The following KCNU1 variants were observed in gnomAD, a reference collection of about 807,000 sequenced individuals.
KCNU1 encodes the protein potassium calcium-activated channel subfamily U member 1.
KCNU1 carries 93 observed loss-of-function variants against 126.8 expected under a neutral mutation model. The ratio of observed to expected loss-of-function variants is 0.73; its 90% CI spans 0.62 to 0.87. KCNU1 has a LOEUF of 0.87. KCNU1 is among the 40% of genes least tolerant of loss of function. KCNU1 has a pLI of 0.00. For synonymous variants in KCNU1, 523 were observed against 494.2 expected (o/e 1.06, Z -0.77); for missense variants, 1,330 against 1,367.1 (o/e 0.97, Z 0.43).
In KCNU1 at chr8:36,845,590, C is replaced by G. The variant is rs372413355; in HGVS notation, c.1714C>G (p.Leu572Val). 8.5e-5 allele frequency: 136 copies of G among 1,603,224 alleles called. No individual in the cohort carries two copies. The highest frequency in any genetic ancestry group is 1.2e-4 in the Non-Finnish European group (135 of 1,171,026). The change falls in exon 17 of 27, where the codon CTA becomes GTA. Residue 572 changes from leucine (L) to valine (V), a missense_variant. By Grantham distance (32) the Leu-to-Val change is conservative (BLOSUM62 1). This residue lies in a region of KCNU1 where 1,054 missense variants were observed against 1,053.9 expected (regional missense o/e 1.00). Transcript: ENST00000399881. Reference sequence around the variant, plus strand: ...ATTTTTTGTTTCCAGTGGTCTGATACTAAATCCACCTCCACAAGTGAGGAT... The same window carrying G: ...ATTTTTTGTTTCCAGTGGTCTGATAGTAAATCCACCTCCACAAGTGAGGAT... ...LFTDGFCGLI[L>V]NPPPQVRIRK...
chr8:36,868,169 T>TAA (rs1805978272), intron 19 of KCNU1, among the ~76,000 whole-genome samples: 2 of 152,168 alleles, frequency 1.3e-5, no homozygotes, highest in African/African-American at 4.8e-5. Flanking sequence ...TCAGGTGACT[T>TAA]ACGTACCGTG....
intron 5 of KCNU1, 123 bp downstream of exon 5, chr8:36,806,503 C>T (rs1803508271): frequency 6.5e-6 from 4 of 613,160 alleles, no homozygotes; most frequent in East Asian, 2.9e-5. Flanking sequence ...AACCTCTCAC[C>T]TTAATAGTAT....
intron 19 of KCNU1, among the ~76,000 whole-genome samples, chr8:36,882,674 C>T (rs1806532032): frequency 6.6e-6 from 1 of 152,230 alleles, no homozygotes; most frequent in East Asian, 1.9e-4. Context: ...ACCTCCTCCT[C>T]CCAGGTTCAA....
intron 22 of KCNU1, among the ~76,000 whole-genome samples, chr8:36,913,971 C>T (rs997788877): frequency 6.6e-6 from 1 of 152,116 alleles, no homozygotes; most frequent in African/African-American, 2.4e-5. Flanking sequence ...AGAATCTTCC[C>T]CAGTTACTCT....
chr8:36,881,909 T>G (rs934615995), intron 19 of KCNU1, among the ~76,000 whole-genome samples: 1 of 151,834 alleles, frequency 6.6e-6, no homozygotes, highest in Non-Finnish European at 1.5e-5. Context: ...TATAGCCAGA[T>G]TCTTACCTTC....
At chr8:36,810,712 C>T (rs1301809612) in intron 7 of KCNU1, among the ~76,000 whole-genome samples, 1 of 152,058 alleles carries the variant, frequency 6.6e-6, no homozygotes, top group Non-Finnish European at 1.5e-5. Flanking sequence ...CAATATGGCA[C>T]CTGTGCCTAA....
In KCNU1 at chr8:36,936,021, T is replaced by C; in HGVS notation, c.*101T>C. ...AAAATAAGAATGGAAGCATGCCATT[T>C]TTCTGCCCATTGCTTAGTGGTTCAT... On this transcript the variant is annotated 3_prime_UTR_variant, in exon 27 of 27. Coordinates refer to ENST00000399881, the MANE Select transcript of KCNU1 (RefSeq NM_001031836.3). 6 of 1,096,958 alleles carry C rather than the reference T, an allele frequency of 5.5e-6. No individual in the cohort carries two copies. In the South Asian group the frequency reaches 8.6e-5, roughly 16 times the overall value. The allele number at this position is 1,096,958 out of a possible 1,614,324, so 68.0% of individuals were successfully genotyped here.
intron 11 of KCNU1, among the ~76,000 whole-genome samples, chr8:36,833,957 A>G (rs1804654234): frequency 2.0e-5 from 3 of 152,216 alleles, no homozygotes; most frequent in Admixed American, 6.5e-5. Context: ...TGAAAAAGGT[A>G]TGGATAGCAA....
At chr8:36,838,474 C>T (rs1490930039) in intron 14 of KCNU1, among the ~76,000 whole-genome samples, 4 of 152,024 alleles carry the variant, frequency 2.6e-5, no homozygotes, top group East Asian at 3.9e-4. Flanking sequence ...GTGGGTCACT[C>T]GAGCTCAGGA....
chr8:36,891,493 T>G (rs984125795), intron 19 of KCNU1, among the ~76,000 whole-genome samples: 1 of 152,036 alleles, frequency 6.6e-6, no homozygotes, highest in African/African-American at 2.4e-5. Context: ...GATGGACTGA[T>G]GCATAGAGAG....
intron 18 of KCNU1, among the ~76,000 whole-genome samples, chr8:36,847,715 C>A (rs1235189443): frequency 6.6e-6 from 1 of 152,134 alleles, no homozygotes; most frequent in African/African-American, 2.4e-5. Flanking sequence ...ATCTATTTAT[C>A]TTTTGATGGA....
rs16885491 is a variant in KCNU1 at position 36,838,180 on chromosome 8, G to A, written c.1518+1235G>A. On this transcript the variant is annotated intron_variant, in intron 14 of 26. Transcript: ENST00000399881. ...TTTCATGTAGTGGTCACTGTATGCA[G>A]CCTAGAAAATGGTTGATAAGGACAC... Among the ~76,000 whole-genome samples, 1,429 of 152,280 alleles carry A rather than the reference G, an allele frequency of 9.4e-3. 19 individuals are homozygous for A. The highest frequency in any genetic ancestry group is 0.031 in the African/African-American group (1,281 of 41,560).
At chr8:36,895,558 T>C (rs966555404) in intron 19 of KCNU1, among the ~76,000 whole-genome samples, 2 of 152,146 alleles carry the variant, frequency 1.3e-5, no homozygotes, top group African/African-American at 4.8e-5. Flanking sequence ...CATGTGAAAC[T>C]TATACTATCA....
At chr8:36,912,434 A>G (rs755864668) in intron 22 of KCNU1, among the ~76,000 whole-genome samples, 2 of 152,202 alleles carry the variant, frequency 1.3e-5, no homozygotes, top group Non-Finnish European at 2.9e-5. Flanking sequence ...AAGCAGAGCT[A>G]ATAACAAGGC....
chr8:36,856,846 T>C (rs1805544696), intron 18 of KCNU1, among the ~76,000 whole-genome samples: 1 of 152,214 alleles, frequency 6.6e-6, no homozygotes, highest in South Asian at 2.1e-4. Flanking sequence ...TTCACTATGG[T>C]AAATTCTGAC....
intron 19 of KCNU1, among the ~76,000 whole-genome samples, chr8:36,884,782 A>G (rs964459842): frequency 6.6e-6 from 1 of 152,060 alleles, no homozygotes; most frequent in African/African-American, 2.4e-5. Flanking sequence ...CCAGGAAAAA[A>G]AAAAGAAAGA....
chr8:36,798,386 A>T (rs1255903642), intron 2 of KCNU1, among the ~76,000 whole-genome samples: 1 of 152,108 alleles, frequency 6.6e-6, no homozygotes, highest in Non-Finnish European at 1.5e-5. Context: ...TTACCCCAAA[A>T]CATGTTTATT....
intron 6 of KCNU1, among the ~76,000 whole-genome samples, chr8:36,807,875 T>C (rs927072519): frequency 2.6e-5 from 4 of 152,240 alleles, no homozygotes; most frequent in East Asian, 3.9e-4. Flanking sequence ...AAGCATACAT[T>C]ACCCAGCAGC....
chr8:36,855,904 CT>C (rs1805512225), intron 18 of KCNU1, among the ~76,000 whole-genome samples: 1 of 152,074 alleles, frequency 6.6e-6, no homozygotes, highest in Admixed American at 6.6e-5. Flanking sequence ...AAGAAGTCAG[CT>C]GTTTCACATG....
Sources: allele counts gnomAD v4.1 joint callset (sites outside exome capture counted in the v4.1 genomes callset), GRCh38; gene constraint gnomAD v4.1.1; regional missense constraint gnomAD v4.1.1; transcripts MANE v1.5; gene names NCBI Gene and HGNC (gene_info 2026-07-23, HGNC 2026-07-21).